Variants in DISP1 observed in about 807,000 individuals in gnomAD.
DISP1 encodes the protein dispatched RND transporter family member 1, also known as protein dispatched homolog 1.
In DISP1, 30 loss-of-function variants were observed where a neutral mutation model predicts 37.3. The observed-to-expected ratio is 0.80, with a 90% confidence interval of 0.60 to 1.09. The LOEUF (loss-of-function observed/expected upper bound fraction) is 1.09. Ranked by LOEUF, DISP1 falls within the 50% of genes least tolerant of loss-of-function variation. DISP1 has a pLI of 0.00. For synonymous variants in DISP1, 634 were observed against 690.2 expected (o/e 0.92, Z 1.28); for missense variants, 1,598 against 1,879.5 (o/e 0.85, Z 2.77).
chr1:222,864,217 G>T (rs1669047015), intron 1 of DISP1, among the ~76,000 whole-genome samples: 1 of 152,170 alleles, frequency 6.6e-6, no homozygotes, highest in Non-Finnish European at 1.5e-5. Flanking sequence ...TGAGAAACCT[G>T]GCTCCATGGT....
intron 3 of DISP1, among the ~76,000 whole-genome samples, chr1:222,975,601 C>G (rs113497749): frequency 0.011 from 1,684 of 152,054 alleles, 35 homozygotes; most frequent in African/African-American, 0.039. Context: ...GCCTCTGTAC[C>G]CCTATTATCT....
chr1:222,977,867 A>G (rs1396926148), intron 3 of DISP1, among the ~76,000 whole-genome samples: 2 of 152,198 alleles, frequency 1.3e-5, no homozygotes, highest in Non-Finnish European at 2.9e-5. Context: ...ACATGAACTC[A>G]TCACTTTTTA....
intron 2 of DISP1, among the ~76,000 whole-genome samples, chr1:222,939,138 G>A (rs1395542113): frequency 2.6e-5 from 4 of 152,088 alleles, no homozygotes; most frequent in Non-Finnish European, 5.9e-5. Context: ...AGTCTCCCAA[G>A]TTACAAAATA....
Position 222,994,894 on chromosome 1 carries a change from A to G in DISP1, c.899A>G (p.Tyr300Cys). ...TTTTTCATATCACCAGGTGACCGAT[A>G]TTCCAGAGTGGTATTTACTTCATCT... ...SFFCDVPSDR[Y>C]SRVVFTSSGG... is the part of the protein sequence containing the mutation. The change falls in exon 8 of 9, where the codon TAT becomes TGT. Residue 300 changes from tyrosine (Y) to cysteine (C), a missense_variant. Transcript: ENST00000675850. 1 of 1,610,050 alleles carries G rather than the reference A, an allele frequency of 6.2e-7. No homozygotes were observed. The highest frequency in any genetic ancestry group is 1.1e-5 in the South Asian group (1 of 90,978).
At chr1:222,984,496 T>A (rs984272824) in intron 4 of DISP1, among the ~76,000 whole-genome samples, 6 of 149,110 alleles carry the variant, frequency 4.0e-5, no homozygotes, top group South Asian at 2.1e-4. Flanking sequence ...TAGGTTTATA[T>A]GTTATATATA....
intron 1 of DISP1, among the ~76,000 whole-genome samples, chr1:222,821,536 G>A (rs1304535208): frequency 6.6e-6 from 1 of 152,110 alleles, no homozygotes; most frequent in African/African-American, 2.4e-5. Context: ...TTGCCCTATG[G>A]TGTTCTCGTG....
At chr1:222,930,745 A>G in intron 2 of DISP1, among the ~76,000 whole-genome samples, 1 of 152,112 alleles carries the variant, frequency 6.6e-6, no homozygotes, top group East Asian at 1.9e-4. Context: ...CATTTATAGT[A>G]ATAATTTAAG....
intron 1 of DISP1, among the ~76,000 whole-genome samples, chr1:222,902,520 C>A (rs35255464): frequency 6.6e-6 from 1 of 151,938 alleles, no homozygotes; most frequent in East Asian, 1.9e-4. Flanking sequence ...AACAGGCAAC[C>A]TACAAAATGG....
chr1:222,868,990 GTTAAGAAATTCTCATAATGCCTTTGA>G (rs1441549608), intron 1 of DISP1, among the ~76,000 whole-genome samples: 1 of 152,096 alleles, frequency 6.6e-6, no homozygotes, highest in Non-Finnish European at 1.5e-5. Flanking sequence ...CAAAAACAAA[GTTAAGAAATTCTCATAATGCCTTTGA>G]TTTAGTTAAG....
chr1:222,908,628 T>C (rs1672044541), intron 1 of DISP1, among the ~76,000 whole-genome samples: 1 of 152,144 alleles, frequency 6.6e-6, no homozygotes, highest in African/African-American at 2.4e-5. Context: ...ATTCCTGACC[T>C]CGTGATCTGC....
intron 3 of DISP1, among the ~76,000 whole-genome samples, chr1:222,954,147 T>A (rs1031681247): frequency 6.6e-6 from 1 of 152,034 alleles, no homozygotes; most frequent in African/African-American, 2.4e-5. Context: ...TAAAAAAAAA[T>A]TATTATGGAT....
intron 2 of DISP1, among the ~76,000 whole-genome samples, chr1:222,939,901 G>A (rs1453757774): frequency 5.9e-5 from 9 of 151,548 alleles, no homozygotes; most frequent in Admixed American, 1.3e-4. Context: ...TGAGGCGGGC[G>A]GATCACGAGG....
At chr1:222,976,927 T>G (rs1427343347) in intron 3 of DISP1, among the ~76,000 whole-genome samples, 1 of 152,204 alleles carries the variant, frequency 6.6e-6, no homozygotes, top group East Asian at 1.9e-4. Flanking sequence ...AAAATTAAGA[T>G]TTTTGTATAC....
intron 1 of DISP1, among the ~76,000 whole-genome samples, chr1:222,908,026 A>C (rs1437528833): frequency 2.6e-5 from 4 of 152,212 alleles, no homozygotes; most frequent in Non-Finnish European, 5.9e-5. Flanking sequence ...TTGGATGTAC[A>C]GAGTTTTTTT....
chr1:222,992,791 C>T (rs148514105), intron 7 of DISP1, among the ~76,000 whole-genome samples: 26 of 151,748 alleles, frequency 1.7e-4, no homozygotes, highest in African/African-American at 5.3e-4. Context: ...GCTACTTAGC[C>T]GCGACAAAAG....
intron 1 of DISP1, among the ~76,000 whole-genome samples, chr1:222,912,297 C>A (rs149428867): frequency 2.2e-4 from 34 of 152,038 alleles, no homozygotes. Flanking sequence ...CAATTTGGAC[C>A]GTTTATGTAT....
chr1:222,846,861 T>A (rs558843339), intron 1 of DISP1, among the ~76,000 whole-genome samples: 1 of 152,274 alleles, frequency 6.6e-6, no homozygotes, highest in Non-Finnish European at 1.5e-5. Flanking sequence ...AAACATTTTT[T>A]GTTTAATTCA....
chr1:222,872,216 A>G (rs1039769273), intron 1 of DISP1: 3 of 152,248 alleles, frequency 2.0e-5, no homozygotes, highest in Non-Finnish European at 2.9e-5. Context: ...TTTTGCATCA[A>G]TGTTCATCAA....
intron 4 of DISP1, among the ~76,000 whole-genome samples, chr1:222,985,901 C>G (rs1173994344): frequency 6.6e-6 from 1 of 151,994 alleles, no homozygotes; most frequent in East Asian, 1.9e-4. Context: ...AAACTTCAAT[C>G]ACTCTTCTCA....
Sources: gnomAD v4.1 joint callset for allele counts (sites outside exome capture counted in the v4.1 genomes callset) on GRCh38, gnomAD v4.1.1 for gene constraint, MANE v1.5 for transcripts, NCBI Gene and HGNC (gene_info 2026-07-23, HGNC 2026-07-21) for gene names.